The following NEO1 variants were observed in gnomAD, a reference collection of about 807,000 sequenced individuals.
NEO1 encodes neogenin.
Under a neutral mutation model 159.7 loss-of-function variants are expected in NEO1, and 63 were observed. That is an observed-to-expected ratio of 0.39 (90% CI 0.32 to 0.49). The LOEUF is 0.49. NEO1 is among the 20% of genes least tolerant of loss of function. The pLI is 0.85. For synonymous variants in NEO1, 633 were observed against 662.0 expected (o/e 0.96, Z 0.67); for missense variants, 1,615 against 1,831.0 (o/e 0.88, Z 2.15).
chr15:73,249,212 T>C lies in NEO1; in HGVS notation c.1755+4T>C. The C allele has an allele frequency of 1.9e-6, 3 of 1,613,570 alleles. No individual in the cohort carries two copies. The highest frequency in any genetic ancestry group is 2.5e-6 in the Non-Finnish European group (3 of 1,179,630). ...AAAGGGGACTGATAAAGAACAGGTA[T>C]GAAGTGAAGCAACTTTTCAAACCAT... On this transcript the variant is annotated splice_donor_region_variant and intron_variant, in intron 10 of 28. Coordinates refer to ENST00000261908, the MANE Select transcript of NEO1 (RefSeq NM_002499.4).
Position 73,253,389 on chromosome 15 carries a change from T to TG in NEO1, c.1895-10dup. The TG allele has an allele frequency of 6.5e-7, 1 of 1,546,660 alleles. No individual in the cohort carries two copies. Among genetic ancestry groups the TG allele is most frequent in the Non-Finnish European group, 8.7e-7 (1 of 1,150,052 alleles). ...AAAAAAAAAATTTTTTTTTTTTTTT[T>TG]GTTTCTCTAGTTCCCAGTGCTGCTC... On this transcript the variant is annotated splice_polypyrimidine_tract_variant and intron_variant, in intron 11 of 28. Transcript: ENST00000261908.
intron 7 of NEO1, among the ~76,000 whole-genome samples, chr15:73,206,964 C>G (rs1400661662): frequency 6.6e-6 from 1 of 152,058 alleles, no homozygotes; most frequent in African/African-American, 2.4e-5. Context: ...AGCAACAATC[C>G]CCCCATCTCA....
intron 7 of NEO1, among the ~76,000 whole-genome samples, chr15:73,208,470 T>G (rs2037358668): frequency 6.6e-6 from 1 of 152,226 alleles, no homozygotes; most frequent in African/African-American, 2.4e-5. Context: ...TAGTAGAACT[T>G]TATTTTTTTT....
At chr15:73,261,671 G>A (rs2040625335) in intron 15 of NEO1, among the ~76,000 whole-genome samples, 1 of 152,098 alleles carries the variant, frequency 6.6e-6, no homozygotes, top group Admixed American at 6.5e-5. Context: ...AGAAATTAAA[G>A]AATACTTAAG....
At chr15:73,069,656 T>A (rs1044611032) in intron 1 of NEO1, among the ~76,000 whole-genome samples, 7 of 152,056 alleles carry the variant, frequency 4.6e-5, no homozygotes, top group East Asian at 3.9e-4. Flanking sequence ...TTATATATTT[T>A]TATATATATA....
At chr15:73,276,175 G>T (rs1198250180) in intron 21 of NEO1, among the ~76,000 whole-genome samples, 1 of 152,102 alleles carries the variant, frequency 6.6e-6, no homozygotes, top group Non-Finnish European at 1.5e-5. Context: ...GACACCTCTG[G>T]TATTTAAAAT....
intron 1 of NEO1, among the ~76,000 whole-genome samples, chr15:73,071,228 C>T (rs1020010675): frequency 6.6e-6 from 1 of 152,054 alleles, no homozygotes; most frequent in African/African-American, 2.4e-5. Flanking sequence ...CATGAACCAT[C>T]GTGCCTGGCC....
intron 1 of NEO1, among the ~76,000 whole-genome samples, chr15:73,059,463 G>A (rs2067873624): frequency 6.6e-6 from 1 of 152,162 alleles, no homozygotes; most frequent in African/African-American, 2.4e-5. Flanking sequence ...AAAGCTAGGA[G>A]TTGCAGTAAT....
intron 22 of NEO1, among the ~76,000 whole-genome samples, chr15:73,279,488 A>G (rs1596572187): frequency 6.6e-6 from 1 of 151,672 alleles, no homozygotes; most frequent in Non-Finnish European, 1.5e-5. Context: ...AGCTGGGATT[A>G]CAAGCGCCTG....
intron 8 of NEO1, among the ~76,000 whole-genome samples, chr15:73,240,301 A>G (rs1308078626): frequency 6.6e-6 from 1 of 152,190 alleles, no homozygotes; most frequent in Non-Finnish European, 1.5e-5. Flanking sequence ...GTAAGCAGGA[A>G]TGATTAGTAA....
At chr15:73,282,032 T>C (rs1019820492) in intron 22 of NEO1, among the ~76,000 whole-genome samples, 1 of 152,174 alleles carries the variant, frequency 6.6e-6, no homozygotes, top group Non-Finnish European at 1.5e-5. Flanking sequence ...CCTCCTCACT[T>C]CCTTCCTTCT....
intron 24 of NEO1, among the ~76,000 whole-genome samples, chr15:73,288,886 A>G (rs1250063216): frequency 6.6e-6 from 1 of 152,190 alleles, no homozygotes; most frequent in Non-Finnish European, 1.5e-5. Flanking sequence ...TGTGGTATTC[A>G]GAACATTCTT....
At chr15:73,224,046 C>G (rs147668571) in intron 7 of NEO1, among the ~76,000 whole-genome samples, 1 of 152,100 alleles carries the variant, frequency 6.6e-6, no homozygotes, top group African/African-American at 2.4e-5. Context: ...CTGTATCTTT[C>G]CTTCATATGT....
At chr15:73,190,421 A>G (rs1234125801) in intron 7 of NEO1, among the ~76,000 whole-genome samples, 4 of 152,228 alleles carry the variant, frequency 2.6e-5, no homozygotes, top group African/African-American at 9.6e-5. Flanking sequence ...ACACTTTACC[A>G]GCTCCTTAAA....
chr15:73,275,965 C>G (rs1484243955), intron 21 of NEO1, among the ~76,000 whole-genome samples: 1 of 152,172 alleles, frequency 6.6e-6, no homozygotes, highest in African/African-American at 2.4e-5. Context: ...CTTGAGGTAT[C>G]AAGTTTTCCA....
intron 7 of NEO1, among the ~76,000 whole-genome samples, chr15:73,179,779 C>T (rs560728716): frequency 3.5e-4 from 53 of 152,050 alleles, no homozygotes; most frequent in Non-Finnish European, 6.8e-4. Flanking sequence ...TTATAATTTC[C>T]TGTTTTGTTG....
In NEO1 at chr15:73,122,822, T is replaced by C. The variant is rs769528244; in HGVS notation, c.724+22T>C. On this transcript the variant is annotated intron_variant, in intron 3 of 28. Coordinates refer to ENST00000261908, the MANE Select transcript of NEO1 (RefSeq NM_002499.4). ...CCAGGTATTAACTCATTATCAGGACTGATGGTTTTATGTTTATGAATGGGT... is the reference window on the plus strand; with the variant it reads ...CCAGGTATTAACTCATTATCAGGACCGATGGTTTTATGTTTATGAATGGGT... The C allele has an allele frequency of 3.7e-6, 6 of 1,611,266 alleles. No homozygotes were observed. The Admixed American group carries it at 5.0e-5, about 13-fold the overall frequency.
chr15:73,254,603 A>G (rs2040245535), intron 12 of NEO1, 79 bp from the exon 13 acceptor site: 2 of 1,422,856 alleles, frequency 1.4e-6, no homozygotes, highest in African/African-American at 2.9e-5. Context: ...TTAAACAGTA[A>G]AATCAGGATA....
At chr15:73,125,243 A>G (rs779546860) in intron 3 of NEO1, among the ~76,000 whole-genome samples, 5 of 152,226 alleles carry the variant, frequency 3.3e-5, no homozygotes, top group Non-Finnish European at 5.9e-5. Flanking sequence ...TTCAGAAGAC[A>G]TTGTTTTGGG....
Sources: gnomAD v4.1 joint callset for allele counts (sites outside exome capture counted in the v4.1 genomes callset) on GRCh38, gnomAD v4.1.1 for gene constraint, MANE v1.5 for transcripts, NCBI Gene and HGNC (gene_info 2026-07-23, HGNC 2026-07-21) for gene names.